Variants in BEST3 observed in about 807,000 individuals in gnomAD.
BEST3 encodes bestrophin-3.
In BEST3, 50 loss-of-function variants were observed where a neutral mutation model predicts 47.1. The observed-to-expected ratio is 1.06, with a 90% CI of 0.85 to 1.34. The LOEUF is 1.34. Ranked by LOEUF, BEST3 falls within the 40% of genes most tolerant of loss-of-function variation. The probability of loss-of-function intolerance (pLI) is 0.00; values close to 1 mark genes in which losing one functional copy is unlikely to be tolerated. For synonymous variants in BEST3, 282 were observed against 298.8 expected (o/e 0.94, Z 0.58); for missense variants, 765 against 817.0 (o/e 0.94, Z 0.78).
chr12:69,654,305 A>G lies in BEST3; in HGVS notation c.*602T>C, dbSNP rs1373965358. 6.1e-6 allele frequency: 6 copies of G among 984,880 alleles called. No homozygotes were observed. The highest frequency in any genetic ancestry group is 7.2e-6 in the Non-Finnish European group (6 of 829,430). 61.0% of individuals were successfully genotyped at this position (984,880 alleles called of 1,614,324 possible). ...GAATAAAAGGAAAAGAGAGAAAAGT[A>G]AAAAAGGAAATTGAAGAGAATTAAG... On this transcript the variant is annotated 3_prime_UTR_variant, in exon 10 of 10. Coordinates refer to ENST00000330891, the MANE Select transcript of BEST3 (RefSeq NM_032735.3).
At chr12:69,659,716 A>AT (rs755663401) in intron 9 of BEST3, among the ~76,000 whole-genome samples, 4 of 6,616 alleles carry the variant, frequency 6.0e-4, no homozygotes, top group African/African-American at 8.7e-4. Context: ...AGTTTCTTTT[A>AT]TTTTTTTTTT....
chr12:69,689,986 C>T (rs1397548054), intron 4 of BEST3, among the ~76,000 whole-genome samples: 1 of 152,130 alleles, frequency 6.6e-6, no homozygotes, highest in Non-Finnish European at 1.5e-5. Context: ...AGAAAAGATG[C>T]AATACTTCTC....
rs752703473 is a variant in BEST3, at chr12:69,655,390, G to A, written c.1524C>T (p.Ala508=). The A allele has an allele frequency of 1.9e-5, 30 of 1,614,104 alleles. No individual in the cohort carries two copies. In the East Asian group the frequency reaches 4.2e-4, roughly 23 times the overall value. The stretch of plus-strand genomic sequence containing the variant: ...CCCCTGATGTGGGCACTGGTGCTTC[G>A]GCTGCTGTGATCAATACCTCAGGTA... ...PLVPEVLITA[A]EAPVPTSGGY... Residue 508 remains alanine, a synonymous_variant, in exon 10 of 10, where the codon GCC becomes GCT. Coordinates refer to ENST00000330891, the MANE Select transcript of BEST3 (RefSeq NM_032735.3).
intron 9 of BEST3, among the ~76,000 whole-genome samples, chr12:69,644,362 T>A (rs1204407013): frequency 1.3e-5 from 2 of 152,224 alleles, no homozygotes; most frequent in Admixed American, 1.3e-4. Context: ...GTTATAACTT[T>A]AAAAAAATTT....
intron 9 of BEST3, among the ~76,000 whole-genome samples, chr12:69,667,208 C>T (rs1450187299): frequency 6.6e-6 from 1 of 152,186 alleles, no homozygotes; most frequent in Non-Finnish European, 1.5e-5. Context: ...TTATTCCTTT[C>T]TGTCTTTGCC....
At chr12:69,665,965 G>C (rs1047357801) in intron 9 of BEST3, among the ~76,000 whole-genome samples, 4 of 152,066 alleles carry the variant, frequency 2.6e-5, no homozygotes, top group Non-Finnish European at 5.9e-5. Flanking sequence ...TAATTGAAGT[G>C]GTGATGGGTA....
Position 69,678,733 on chromosome 12 carries a change from A to T in BEST3, c.636+6T>A, listed in dbSNP as rs780690849. 6.2e-7 allele frequency: 1 copy of T among 1,613,270 alleles called. No individual in the cohort carries two copies. The highest frequency in any genetic ancestry group is 2.2e-5 in the East Asian group (1 of 44,830). ...GTATTTTTCTTATGATTTATGATATACTTACAGTCATCAATGATTGCAGAT... is the reference window on the plus strand; with the variant it reads ...GTATTTTTCTTATGATTTATGATATTCTTACAGTCATCAATGATTGCAGAT... On this transcript the variant is annotated splice_donor_region_variant and intron_variant, in intron 5 of 9. Coordinates refer to ENST00000330891, the MANE Select transcript of BEST3 (RefSeq NM_032735.3).
chr12:69,654,911 T>C lies in BEST3; in HGVS notation c.2003A>G (p.Lys668Arg), dbSNP rs761028388. 9.3e-6 allele frequency: 15 copies of C among 1,608,804 alleles called. No individual in the cohort carries two copies. Among genetic ancestry groups the C allele is most frequent in the Non-Finnish European group, 1.2e-5 (14 of 1,176,698 alleles). ...ELNKETEESP[K>R] Reference sequence around the variant, plus strand: ...GGTCCTAGAACTTGGTGGCACTCATTTGGGTGATTCCTCAGTTTCCTTGTT... The same window carrying C: ...GGTCCTAGAACTTGGTGGCACTCATCTGGGTGATTCCTCAGTTTCCTTGTT... Residue 668 changes from lysine to arginine, a missense_variant, in exon 10 of 10, where the codon AAA becomes AGA. Transcript: ENST00000330891.
intron 9 of BEST3, chr12:69,670,550 C>T: frequency 1.4e-6 from 1 of 702,696 alleles, no homozygotes; most frequent in South Asian, 1.5e-5. Context: ...AGACATTCGG[C>T]AAAGGGAACA....
intron 9 of BEST3, among the ~76,000 whole-genome samples, chr12:69,645,244 G>A (rs893503484): frequency 6.6e-6 from 1 of 152,176 alleles, no homozygotes; most frequent in African/African-American, 2.4e-5. Context: ...GCAGACTGAT[G>A]AGTAAGGTTT....
chr12:69,682,270 G>A (rs1592361161), intron 4 of BEST3, among the ~76,000 whole-genome samples: 1 of 152,140 alleles, frequency 6.6e-6, no homozygotes, highest in Non-Finnish European at 1.5e-5. Flanking sequence ...ACATAGTGGT[G>A]TTTGAAAATC....
intron 7 of BEST3, among the ~76,000 whole-genome samples, chr12:69,674,077 G>A (rs759337943): frequency 1.3e-5 from 2 of 151,988 alleles, no homozygotes; most frequent in Non-Finnish European, 2.9e-5. Context: ...GTGTGTGTGC[G>A]TGAGAGAGAG....
At chr12:69,644,607 T>G (rs1052305973) in intron 9 of BEST3, among the ~76,000 whole-genome samples, 2 of 152,172 alleles carry the variant, frequency 1.3e-5, no homozygotes, top group African/African-American at 4.8e-5. Flanking sequence ...CTGAACCAAT[T>G]TTTTATTAAA....
In BEST3 at chr12:69,694,353, G is replaced by C. The variant is rs765235713; in HGVS notation, c.247+17C>G. 2.0e-6 allele frequency: 3 copies of C among 1,514,536 alleles called. No individual in the cohort carries two copies. The African/African-American group carries it at 4.2e-5, about 21-fold the overall frequency. The allele number at this position is 1,514,536 out of a possible 1,614,324, so 93.8% of individuals were successfully genotyped here. ...AGACAGCTATGTGGCTGCAATCTGC[G>C]TGTGACCTATACTTACCAAGCACAA... On this transcript the variant is annotated intron_variant, in intron 3 of 9. Coordinates refer to ENST00000330891, the MANE Select transcript of BEST3 (RefSeq NM_032735.3).
Position 69,676,909 on chromosome 12 carries a change from T to C in BEST3, c.867+7A>G. 1 of 1,613,040 alleles carries C rather than the reference T, an allele frequency of 6.2e-7. No individual in the cohort carries two copies. Among genetic ancestry groups the C allele is most frequent in the South Asian group, 1.1e-5 (1 of 91,014 alleles). On this transcript the variant is annotated splice_region_variant and intron_variant, in intron 7 of 9. Transcript: ENST00000330891. Reference sequence around the variant, plus strand: ...TTACAAAGTGGGGCCCTGAGACCACTGGCTACCTTAAGCCATCCTGCATAG... The same window carrying C: ...TTACAAAGTGGGGCCCTGAGACCACCGGCTACCTTAAGCCATCCTGCATAG...
At position 69,655,381 on chromosome 12, in the gene BEST3, T is replaced by A; in HGVS notation, c.1533A>T (p.Pro511=). The change falls in exon 10 of 10, where the codon CCA becomes CCT. Residue 511 remains proline, a synonymous_variant. Transcript: ENST00000330891. ...PEVLITAAEA[P]VPTSGGYHHD... The stretch of plus-strand genomic sequence containing the variant: ...GGTGGTAGCCCCCTGATGTGGGCAC[T>A]GGTGCTTCGGCTGCTGTGATCAATA... 6.2e-7 allele frequency: 1 copy of A among 1,614,166 alleles called. No individual in the cohort carries two copies. Among genetic ancestry groups the A allele is most frequent in the Non-Finnish European group, 8.5e-7 (1 of 1,180,020 alleles).
chr12:69,654,816 G>A lies in BEST3; in HGVS notation c.*91C>T, dbSNP rs898662761. 5.3e-6 allele frequency: 8 copies of A among 1,497,770 alleles called. No homozygotes were observed. Among genetic ancestry groups the A allele is most frequent in the East Asian group, 4.6e-5 (2 of 43,528 alleles). 92.8% of individuals were successfully genotyped at this position (1,497,770 alleles called of 1,614,324 possible). A position where few individuals can be genotyped will look rare whatever the true frequency, so the allele number is the denominator to read the frequency against. The stretch of plus-strand genomic sequence containing the variant: ...GTGTGATCATGTTTTTTAAAAAGTC[G>A]ACCAGCCTTCAGGTATGTCCTGGGC... On this transcript the variant is annotated 3_prime_UTR_variant, in exon 10 of 10. Coordinates refer to ENST00000330891, the MANE Select transcript of BEST3 (RefSeq NM_032735.3).
chr12:69,680,326 T>TTTTTTTTTTTTTTTTTTA (rs1555207061), intron 4 of BEST3, among the ~76,000 whole-genome samples: 1 of 144,914 alleles, frequency 6.9e-6, no homozygotes, highest in African/African-American at 2.6e-5. Flanking sequence ...TTTTTTTTTT[T>TTTTTTTTTTTTTTTTTTA]TAGATGGAGT....
chr12:69,677,065 CAACCTGG>C lies in BEST3; in HGVS notation c.715-4_717del, dbSNP rs1179451397. 18 of 1,614,060 alleles carry C rather than the reference CAACCTGG, an allele frequency of 1.1e-5. No individual in the cohort carries two copies. Among genetic ancestry groups the C allele is most frequent in the Non-Finnish European group, 1.2e-5 (14 of 1,180,036 alleles). On this transcript the variant is annotated splice_acceptor_variant and splice_polypyrimidine_tract_variant and coding_sequence_variant and intron_variant, in exon 7 of 10. Coordinates refer to ENST00000330891, the MANE Select transcript of BEST3 (RefSeq NM_032735.3). LOFTEE classifies it high-confidence loss of function. Reference sequence around the variant, plus strand: ...AAGAAGGTATAGACAGCAAGAGTGACAACCTGGAACAGAGAGAGACCAGAGTGAGGGG... The same window carrying C: ...AAGAAGGTATAGACAGCAAGAGTGACAACAGAGAGAGACCAGAGTGAGGGG...
Sources: gnomAD v4.1 joint callset for allele counts (sites outside exome capture counted in the v4.1 genomes callset) on GRCh38, gnomAD v4.1.1 for gene constraint, MANE v1.5 for transcripts, NCBI Gene and HGNC (gene_info 2026-07-23, HGNC 2026-07-21) for gene names.